KCNK10: variants seen among roughly 807,000 people sequenced by gnomAD.
KCNK10 encodes the protein potassium channel subfamily K member 10.
Under a neutral mutation model 47.7 loss-of-function variants are expected in KCNK10, and 25 were observed. The observed-to-expected ratio is 0.52, with a 90% CI of 0.38 to 0.73. KCNK10 has a LOEUF of 0.73. KCNK10 is among the 30% of genes least tolerant of loss of function. KCNK10 has a pLI of 0.00. For synonymous variants in KCNK10, 303 were observed against 285.6 expected, an observed-to-expected ratio of 1.06 and a Z score of -0.61; for missense variants, 563 against 714.5, an observed-to-expected ratio of 0.79 and a Z score of 2.42.
intron 1 of KCNK10, among the ~76,000 whole-genome samples, chr14:88,315,799 A>G (rs1888420368): frequency 6.6e-6 from 1 of 152,160 alleles, no homozygotes; most frequent in South Asian, 2.1e-4. Context: ...CACACTGGGT[A>G]GTTGAGTAAG....
intron 1 of KCNK10, among the ~76,000 whole-genome samples, chr14:88,308,096 A>C (rs1341677591): frequency 6.6e-6 from 1 of 152,110 alleles, no homozygotes; most frequent in Non-Finnish European, 1.5e-5. Flanking sequence ...CTCATCAAAC[A>C]CTTCATCTCC....
rs1566700425 is a variant in KCNK10, at chr14:88,245,408, TG to T, written c.403-4589del. On this transcript the variant is annotated intron_variant, in intron 2 of 6. Transcript: ENST00000319231. ...AACCTCTCACAAAGTGAGGCGGGTCTGTAGCTGATGCGCTTAGAAAGAGAGG... is the reference window on the plus strand; with the variant it reads ...AACCTCTCACAAAGTGAGGCGGGTCTTAGCTGATGCGCTTAGAAAGAGAGG... Among the ~76,000 whole-genome samples, 194 of 152,214 alleles carry T rather than the reference TG, an allele frequency of 1.3e-3. 1 individual carries two copies. Among genetic ancestry groups the T allele is most frequent in the African/African-American group, 4.6e-3 (191 of 41,486 alleles).
intron 4 of KCNK10, among the ~76,000 whole-genome samples, chr14:88,200,883 T>C (rs1202676366): frequency 6.6e-6 from 1 of 152,194 alleles, no homozygotes; most frequent in Non-Finnish European, 1.5e-5. Context: ...ATCAGACGTG[T>C]TGTGAAGGGG....
chr14:88,284,617 G>A (rs141118461), intron 1 of KCNK10, among the ~76,000 whole-genome samples: 17 of 152,270 alleles, frequency 1.1e-4, no homozygotes, highest in South Asian at 2.1e-4. Flanking sequence ...CATCCAGCAC[G>A]GGAGAAAGAT....
At chr14:88,220,848 G>A (rs1209619246) in intron 4 of KCNK10, among the ~76,000 whole-genome samples, 1 of 151,910 alleles carries the variant, frequency 6.6e-6, no homozygotes, top group African/African-American at 2.4e-5. Flanking sequence ...GAAAGAAATA[G>A]TTGATAAGCT....
chr14:88,286,472 A>G (rs1887762318), intron 1 of KCNK10, among the ~76,000 whole-genome samples: 1 of 152,222 alleles, frequency 6.6e-6, no homozygotes, highest in Admixed American at 6.5e-5. Flanking sequence ...GAACCCAAGC[A>G]TCCTGCACAC....
In KCNK10 at chr14:88,284,545, T is replaced by C. The variant is rs538068816; in HGVS notation, c.53-20994A>G. On this transcript the variant is annotated intron_variant, in intron 1 of 6. Transcript: ENST00000319231. ...AGTCTGAGAGCCCCTGGCAAACCAC[T>C]GGTGTAAGTCCAAGAGTCCAAAAGC... is the stretch of plus-strand genomic sequence containing the variant. 1.6e-4 allele frequency among the ~76,000 whole-genome samples: 25 copies of C among 152,226 alleles called. No individual in the cohort carries two copies. In the South Asian group the frequency reaches 3.3e-3, roughly 20 times the overall value.
intron 5 of KCNK10, among the ~76,000 whole-genome samples, chr14:88,191,841 A>C (rs1198290473): frequency 1.3e-5 from 2 of 152,162 alleles, no homozygotes; most frequent in South Asian, 2.1e-4. Context: ...CTGCAGACCA[A>C]ATTCTATGCT....
chr14:88,267,525 C>G (rs1420719034), intron 1 of KCNK10, among the ~76,000 whole-genome samples: 2 of 152,182 alleles, frequency 1.3e-5, no homozygotes, highest in African/African-American at 4.8e-5. Context: ...CGTGCACCAC[C>G]ATGCCCGGCT....
chr14:88,297,320 A>G (rs1460346386), intron 1 of KCNK10, among the ~76,000 whole-genome samples: 6 of 152,230 alleles, frequency 3.9e-5, no homozygotes, highest in Non-Finnish European at 7.3e-5. Flanking sequence ...ACTTCACTTC[A>G]AACATTTGTT....
rs1316607012 is a variant in KCNK10, at chr14:88,227,300, C to T, written c.681+75G>A. Reference sequence around the variant, plus strand: ...TTAAAAGCAGACAATGCCCCTGATACTGCCTCCTGGATCCTGTCAGGCTAA... The same window carrying T: ...TTAAAAGCAGACAATGCCCCTGATATTGCCTCCTGGATCCTGTCAGGCTAA... On this transcript the variant is annotated intron_variant, in intron 4 of 6. Transcript: ENST00000319231. 6 of 1,190,208 alleles carry T rather than the reference C, an allele frequency of 5.0e-6. No individual in the cohort carries two copies. In the African/African-American group the frequency reaches 7.8e-5, roughly 15 times the overall value. The allele number at this position is 1,190,208 out of a possible 1,614,324, so 73.7% of individuals were successfully genotyped here.
chr14:88,316,383 G>A (rs1566723227), intron 1 of KCNK10, among the ~76,000 whole-genome samples: 1 of 152,174 alleles, frequency 6.6e-6, no homozygotes, highest in Admixed American at 6.5e-5. Flanking sequence ...AAGTAAATAT[G>A]AGGTCTTTAT....
chr14:88,279,557 G>T (rs868213831), intron 1 of KCNK10, among the ~76,000 whole-genome samples: 1 of 151,888 alleles, frequency 6.6e-6, no homozygotes, highest in Admixed American at 6.6e-5. Flanking sequence ...TTTTTAAAGG[G>T]TAAGTATATC....
chr14:88,313,334 G>A (rs936624251), intron 1 of KCNK10, among the ~76,000 whole-genome samples: 2 of 152,126 alleles, frequency 1.3e-5, no homozygotes, highest in African/African-American at 4.8e-5. Flanking sequence ...CCCTTCCAAC[G>A]TGAATGTGAT....
rs1284856342 is a variant in KCNK10 at position 88,241,576 on chromosome 14, A to G, written c.403-756T>C. 3.3e-5 allele frequency among the ~76,000 whole-genome samples: 5 copies of G among 152,240 alleles called. No individual in the cohort carries two copies. In the East Asian group the frequency reaches 9.7e-4, roughly 29 times the overall value. On this transcript the variant is annotated intron_variant, in intron 2 of 6. Coordinates refer to ENST00000319231, the MANE Select transcript of KCNK10 (RefSeq NM_138317.3). ...TTGATGATAACTGAATTGGAATTCC[A>G]TACACCTTAAAATTTCCAACAAACT...
intron 3 of KCNK10, among the ~76,000 whole-genome samples, chr14:88,229,939 T>C (rs894751276): frequency 1.3e-5 from 2 of 152,176 alleles, no homozygotes; most frequent in African/African-American, 4.8e-5. Context: ...GACAGTTGTC[T>C]GTAGGCTCTA....
chr14:88,213,143 A>T (rs1016675236), intron 4 of KCNK10, among the ~76,000 whole-genome samples: 1 of 152,216 alleles, frequency 6.6e-6, no homozygotes, highest in Admixed American at 6.5e-5. Flanking sequence ...GAACACATAG[A>T]TCACACACCC....
rs117987976 is a variant in KCNK10, at chr14:88,310,814, G to A, written c.52+11933C>T. ...GACACACCAGGAACAAAGTGACAGC[G>A]GGTATGGAGGGGGCAATTTTATCAG... On this transcript the variant is annotated intron_variant, in intron 1 of 6. Transcript: ENST00000319231. 4.3e-4 allele frequency among the ~76,000 whole-genome samples: 66 copies of A among 152,266 alleles called. No individual in the cohort carries two copies. In the East Asian group the frequency reaches 0.012, roughly 27 times the overall value.
intron 2 of KCNK10, among the ~76,000 whole-genome samples, chr14:88,258,568 C>A (rs115077244): frequency 2.0e-5 from 3 of 152,158 alleles, no homozygotes; most frequent in Admixed American, 6.5e-5. Flanking sequence ...GGATTACAGG[C>A]GTGAGCCACC....
Sources: gnomAD v4.1 joint callset for allele counts (sites outside exome capture counted in the v4.1 genomes callset) on GRCh38, gnomAD v4.1.1 for gene constraint, MANE v1.5 for transcripts, NCBI Gene and HGNC (gene_info 2026-07-23, HGNC 2026-07-21) for gene names.